Variants in PTPRM observed in about 807,000 individuals in gnomAD.
PTPRM encodes protein tyrosine phosphatase receptor type M.
A neutral mutation model predicts 186.7 loss-of-function variants in PTPRM; 47 were observed. That is an observed-to-expected ratio of 0.25 (90% CI 0.20 to 0.32). The LOEUF is 0.32. PTPRM is among the 10% of genes least tolerant of loss of function. PTPRM has a pLI of 1.00. For synonymous variants in PTPRM, 668 were observed against 674.9 expected (o/e 0.99, Z 0.16); for missense variants, 1,494 against 1,865.0 (o/e 0.80, Z 3.66).
At chr18:8,087,312 G>A (rs550416127) in intron 10 of PTPRM, among the ~76,000 whole-genome samples, 1 of 151,922 alleles carries the variant, frequency 6.6e-6, no homozygotes, top group African/African-American at 2.4e-5. Flanking sequence ...ATTTTTATTA[G>A]ATAAGAATTC....
chr18:8,384,698 G>A lies in PTPRM; in HGVS notation c.4044+12G>A, dbSNP rs369353040. On this transcript the variant is annotated intron_variant, in intron 30 of 32. Coordinates refer to ENST00000580170, the MANE Select transcript of PTPRM (RefSeq NM_001105244.2). ...ACAATGCCGCCAGAGTAAGAGACGGGCCTGTCATGCCTGTGATTATGGTTT... is the reference window on the plus strand; with the variant it reads ...ACAATGCCGCCAGAGTAAGAGACGGACCTGTCATGCCTGTGATTATGGTTT... 143 of 1,613,396 alleles carry A rather than the reference G, an allele frequency of 8.9e-5. No individual in the cohort carries two copies. The East Asian group carries it at 1.2e-3, about 14-fold the overall frequency.
At chr18:7,901,546 T>C (rs767441255) in intron 3 of PTPRM, among the ~76,000 whole-genome samples, 1 of 152,158 alleles carries the variant, frequency 6.6e-6, no homozygotes, top group African/African-American at 2.4e-5. Context: ...TTTGTATTTT[T>C]AGTAGAGACG....
intron 3 of PTPRM, among the ~76,000 whole-genome samples, chr18:7,897,600 G>T (rs16952631): frequency 0.013 from 2,016 of 152,230 alleles, 44 homozygotes; most frequent in African/African-American, 0.046. Context: ...TTGCGTGATT[G>T]TTTTCACCCT....
At chr18:7,984,733 A>G (rs929007000) in intron 7 of PTPRM, among the ~76,000 whole-genome samples, 2 of 141,422 alleles carry the variant, frequency 1.4e-5, no homozygotes, top group African/African-American at 5.2e-5. Flanking sequence ...AAATATAAAT[A>G]TATACATATA....
intron 2 of PTPRM, among the ~76,000 whole-genome samples, chr18:7,800,285 T>C (rs1432448434): frequency 6.6e-6 from 1 of 152,224 alleles, no homozygotes; most frequent in Non-Finnish European, 1.5e-5. Context: ...ATGCATTGCT[T>C]AACCACAGGG....
At chr18:8,117,315 A>C (rs1021816039) in intron 13 of PTPRM, among the ~76,000 whole-genome samples, 3 of 152,174 alleles carry the variant, frequency 2.0e-5, no homozygotes, top group Non-Finnish European at 4.4e-5. Flanking sequence ...GCGATGGCTT[A>C]ATTGAGTTTT....
chr18:8,280,416 G>T (rs554745074), intron 19 of PTPRM, among the ~76,000 whole-genome samples: 1 of 144,152 alleles, frequency 6.9e-6, no homozygotes, highest in East Asian at 2.5e-4. Context: ...GGGGTGGGGG[G>T]GGGGTCACAA....
intron 8 of PTPRM, among the ~76,000 whole-genome samples, chr18:8,072,449 G>A (rs1230666629): frequency 6.6e-6 from 1 of 151,982 alleles, no homozygotes; most frequent in Non-Finnish European, 1.5e-5. Flanking sequence ...AAAATCTATT[G>A]TTTTCCTAGC....
intron 14 of PTPRM, among the ~76,000 whole-genome samples, chr18:8,192,206 T>A (rs1459997414): frequency 6.6e-6 from 1 of 152,126 alleles, no homozygotes; most frequent in African/African-American, 2.4e-5. Context: ...TTGGAAATAG[T>A]ACAAAATCAT....
At chr18:8,106,759 G>T (rs1200336036) in intron 11 of PTPRM, among the ~76,000 whole-genome samples, 3 of 152,216 alleles carry the variant, frequency 2.0e-5, no homozygotes, top group Non-Finnish European at 4.4e-5. Flanking sequence ...ATCTTGTGCT[G>T]AGAGTCATAA....
intron 14 of PTPRM, among the ~76,000 whole-genome samples, chr18:8,226,446 T>G (rs7238408): frequency 0.53 from 80,350 of 152,060 alleles, 21,703 homozygotes; most frequent in Middle Eastern, 0.74. Flanking sequence ...CAGAATCAGA[T>G]CTAAAGATTT....
intron 32 of PTPRM, chr18:8,403,764 CT>C (rs1371813823): frequency 6.6e-6 from 1 of 152,226 alleles, no homozygotes; most frequent in East Asian, 1.9e-4. Flanking sequence ...CACCCTTCAG[CT>C]TCCAGTCTTT....
At chr18:8,024,512 A>C (rs545192054) in intron 7 of PTPRM, among the ~76,000 whole-genome samples, 1 of 152,150 alleles carries the variant, frequency 6.6e-6, no homozygotes, top group South Asian at 2.1e-4. Flanking sequence ...AATAACAGTG[A>C]TGCCAGGACA....
chr18:7,841,936 TA>T (rs1190188992), intron 2 of PTPRM, among the ~76,000 whole-genome samples: 3 of 93,916 alleles, frequency 3.2e-5, no homozygotes, highest in Non-Finnish European at 6.8e-5. Flanking sequence ...TTTATGTTAT[TA>T]TTTTTTTTTC....
At chr18:7,833,132 AT>A (rs890128721) in intron 2 of PTPRM, among the ~76,000 whole-genome samples, 8 of 151,002 alleles carry the variant, frequency 5.3e-5, no homozygotes, top group South Asian at 2.1e-4. Context: ...ACATTTTAGG[AT>A]TTTTTTTTGT....
At chr18:8,364,152 A>G (rs1223647334) in intron 23 of PTPRM, among the ~76,000 whole-genome samples, 1 of 152,226 alleles carries the variant, frequency 6.6e-6, no homozygotes, top group Non-Finnish European at 1.5e-5. Flanking sequence ...CCTTCCAAAT[A>G]AAGCCAGTAT....
chr18:8,009,329 T>TC (rs2084378999), intron 7 of PTPRM, among the ~76,000 whole-genome samples: 1 of 151,924 alleles, frequency 6.6e-6, no homozygotes, highest in Non-Finnish European at 1.5e-5. Context: ...ATAACTTTTT[T>TC]TTTTTTTTTA....
At chr18:8,033,673 A>G (rs569614001) in intron 7 of PTPRM, among the ~76,000 whole-genome samples, 1 of 152,372 alleles carries the variant, frequency 6.6e-6, no homozygotes, top group East Asian at 1.9e-4. Context: ...ATTGACCAAA[A>G]TACCATTCTC....
chr18:7,615,107 T>C (rs1164085128), intron 1 of PTPRM, among the ~76,000 whole-genome samples: 3 of 152,226 alleles, frequency 2.0e-5, no homozygotes, highest in Admixed American at 1.3e-4. Context: ...GGAAGGTTCT[T>C]CAAAATCGTT....
Sources: gnomAD v4.1 joint callset for allele counts (sites outside exome capture counted in the v4.1 genomes callset) on GRCh38, gnomAD v4.1.1 for gene constraint, MANE v1.5 for transcripts, NCBI Gene and HGNC (gene_info 2026-07-23, HGNC 2026-07-21) for gene names.